Variants in IKBKE observed in about 807,000 individuals in gnomAD.
IKBKE encodes inhibitor of nuclear factor kappa B kinase subunit epsilon, also known as inhibitor of nuclear factor kappa-B kinase subunit epsilon.
In IKBKE, 45 loss-of-function variants were observed where a neutral mutation model predicts 92.1. That is an observed-to-expected ratio of 0.49 (90% CI 0.38 to 0.63). IKBKE has a LOEUF of 0.63. IKBKE is among the 20% of genes least tolerant of loss of function. IKBKE has a pLI of 0.00. For missense variants in IKBKE, 700 were observed against 932.8 expected, an observed-to-expected ratio of 0.75 and a Z score of 3.25; for synonymous variants, 374 against 380.3, an observed-to-expected ratio of 0.98 and a Z score of 0.19.
At position 206,485,169 on chromosome 1, in the gene IKBKE, G is replaced by A. The variant is rs782190823; in HGVS notation, c.1504-25G>A. On this transcript the variant is annotated intron_variant, in intron 14 of 21. Transcript: ENST00000581977. The surrounding 1 kb of genome is among the most constrained non-coding windows in gnomAD (Gnocchi z 5.0). Reference sequence around the variant, plus strand: ...CCAGTGCCCAGGCTGAAGACCCCACGGGGGTCTGCCTTTGTGCCCCACAGC... The same window carrying A: ...CCAGTGCCCAGGCTGAAGACCCCACAGGGGTCTGCCTTTGTGCCCCACAGC... 1.4e-5 allele frequency: 22 copies of A among 1,576,768 alleles called. No homozygotes were observed. The highest frequency in any genetic ancestry group is 5.2e-6 in the Non-Finnish European group (6 of 1,145,966).
Position 206,480,477 on chromosome 1 carries a change from T to C in IKBKE, c.1371T>C (p.Thr457=). The change falls in exon 13 of 22, where the codon ACT becomes ACC. Residue 457 remains threonine, a synonymous_variant. Coordinates refer to ENST00000581977, the MANE Select transcript of IKBKE (RefSeq NM_014002.4). ...MEVLQATCRR[T]LEVARTSLLY... is the part of the protein sequence containing the mutation. ...TGCTCCAGGCCACATGCAGACGGAC[T>C]CTGGAAGTGGCAAGGACATCCCTCC... 1 of 1,613,850 alleles carries C rather than the reference T, an allele frequency of 6.2e-7. No individual in the cohort carries two copies. The highest frequency in any genetic ancestry group is 1.1e-5 in the South Asian group (1 of 91,054).
intron 4 of IKBKE, 75 bp from the exon 5 acceptor site, chr1:206,474,790 G>C: frequency 6.4e-7 from 1 of 1,559,108 alleles, no homozygotes; most frequent in African/African-American, 1.3e-5. Flanking sequence ...CTGGGCTCCA[G>C]GCTGAGCCAC....
At chr1:206,484,955 C>T (rs782554415) in intron 13 of IKBKE, 42 bp from the exon 14 acceptor site, 1 of 1,551,268 alleles carries the variant, frequency 6.4e-7, no homozygotes. Context: ...CTTGGCTGCT[C>T]CTAAGCCCCC....
At position 206,478,241 on chromosome 1, in the gene IKBKE, C is replaced by T. The variant is rs903024969; in HGVS notation, c.894C>T (p.Phe298=). Reference sequence around the variant, plus strand: ...CCAAGTGCTGGGGCTTCGACCAGTTCTTTGCGGAGACCAGTGACATCCTGC... The same window carrying T: ...CCAAGTGCTGGGGCTTCGACCAGTTTTTTGCGGAGACCAGTGACATCCTGC... ...EQAKCWGFDQ[F]FAETSDILQR... Residue 298 remains phenylalanine, a synonymous_variant, in exon 9 of 22, where the codon TTC becomes TTT. Transcript: ENST00000581977. This position sits in a 1 kb window ranked among gnomAD's most constrained non-coding sequence, Gnocchi z 4.8. 6.2e-7 allele frequency: 1 copy of T among 1,614,220 alleles called. No homozygotes were observed. Among genetic ancestry groups the T allele is most frequent in the Non-Finnish European group, 8.5e-7 (1 of 1,180,040 alleles).
Position 206,474,990 on chromosome 1 carries a change from T to G in IKBKE, c.354T>G (p.Cys118Trp), listed in dbSNP as rs1233161427. The G allele has an allele frequency of 6.2e-7, 1 of 1,613,884 alleles. No individual in the cohort carries two copies. The highest frequency in any genetic ancestry group is 1.1e-5 in the South Asian group (1 of 91,062). ...ATGAGTTCCTGGTGGTGCTGCGCTGTGTGGGTGAGCCCCTCCCTGTCCCTG... is the reference window on the plus strand; with the variant it reads ...ATGAGTTCCTGGTGGTGCTGCGCTGGGTGGGTGAGCCCCTCCCTGTCCCTG... The part of the protein sequence containing the change: ...PEDEFLVVLR[C>W]VVAGMNHLRE... Residue 118 changes from cysteine to tryptophan, a missense_variant, in exon 5 of 22, where the codon TGT (cysteine) becomes TGG (tryptophan). By Grantham distance (215) the Cys-to-Trp change is radical. Coordinates refer to ENST00000581977, the MANE Select transcript of IKBKE (RefSeq NM_014002.4).
intron 15 of IKBKE, among the ~76,000 whole-genome samples, chr1:206,486,725 C>T (rs116612384): frequency 1.9e-3 from 284 of 150,522 alleles, no homozygotes; most frequent in African/African-American, 6.6e-3. Context: ...GGCTGAGGAT[C>T]GAGGTCCCAT....
chr1:206,474,670 T>TA, intron 4 of IKBKE, 195 bp from the exon 5 acceptor site: 6 of 798,656 alleles, frequency 7.5e-6, no homozygotes, highest in Non-Finnish European at 5.8e-6. Context: ...AATCAGTACC[T>TA]AAGCAGAGGG....
In IKBKE at chr1:206,476,969, C is replaced by T; in HGVS notation, c.701+131C>T. Reference sequence around the variant, plus strand: ...CCTCTGGTCCACCCCCCAACCCAGGCTCTTTGTAGATCTTTTTTTGTTAAT... The same window carrying T: ...CCTCTGGTCCACCCCCCAACCCAGGTTCTTTGTAGATCTTTTTTTGTTAAT... On this transcript the variant is annotated intron_variant, in intron 7 of 21. Transcript: ENST00000581977. The surrounding 1 kb of genome is among the most constrained non-coding windows in gnomAD (Gnocchi z 5.1). 9 of 941,622 alleles carry T rather than the reference C, an allele frequency of 9.6e-6. No individual in the cohort carries two copies. Among genetic ancestry groups the T allele is most frequent in the Non-Finnish European group, 1.4e-5 (9 of 633,334 alleles). The allele number at this position is 941,622 out of a possible 1,614,324, so 58.3% of individuals were successfully genotyped here.
chr1:206,474,650 C>T (rs532206051), intron 4 of IKBKE, among the ~76,000 whole-genome samples, 179 bp downstream of exon 4: 2 of 152,158 alleles, frequency 1.3e-5, no homozygotes, highest in South Asian at 2.1e-4. Flanking sequence ...TGGAAAGGAA[C>T]GATGGACAGA....
rs542071074 is a variant in IKBKE at position 206,482,643 on chromosome 1, C to T, written c.1427+2110C>T. Among the ~76,000 whole-genome samples the T allele has an allele frequency of 1.1e-4, 17 of 152,328 alleles. No individual in the cohort carries two copies. The South Asian group carries it at 3.5e-3, about 32-fold the overall frequency. On this transcript the variant is annotated intron_variant, in intron 13 of 21. Transcript: ENST00000581977. ...AGCAAAAACAGTTGTGAGCAGGGAG[C>T]CAGAGGGCCAGGTGCAGCCTCTTCT...
Position 206,490,837 on chromosome 1 carries a change from A to G in IKBKE, c.1712A>G (p.Glu571Gly). The G allele has an allele frequency of 6.2e-7, 1 of 1,614,150 alleles. No individual in the cohort carries two copies. The highest frequency in any genetic ancestry group is 1.1e-5 in the South Asian group (1 of 91,090). Residue 571 changes from glutamate (E) to glycine (G), a missense_variant, in exon 17 of 22, where the codon GAG becomes GGG. Coordinates refer to ENST00000581977, the MANE Select transcript of IKBKE (RefSeq NM_014002.4). This position sits in a 1 kb window ranked among gnomAD's most constrained non-coding sequence, Gnocchi z 5.2. ...CCTCCAGGGCTTGGCTACAACGAGG[A>G]GCAGATTCACAAGCTGGATAAGTGA... Reference protein sequence around the residue: ...RMRPGLGYNEEQIHKLDKVNF... With the variant: ...RMRPGLGYNEGQIHKLDKVNF...
intron 15 of IKBKE, among the ~76,000 whole-genome samples, chr1:206,486,625 A>G (rs1236875559): frequency 6.8e-6 from 1 of 146,382 alleles, no homozygotes; most frequent in African/African-American, 2.6e-5. Flanking sequence ...CTGAGGATCG[A>G]GGCCCCATCC....
chr1:206,488,126 G>T, intron 16 of IKBKE, 136 bp downstream of exon 16: 2 of 677,318 alleles, frequency 3.0e-6, no homozygotes, highest in Non-Finnish European at 5.3e-6. Flanking sequence ...GTGGTTCTTG[G>T]AGGCCCACTA....
chr1:206,490,531 C>T lies in IKBKE; in HGVS notation c.1694-288C>T, dbSNP rs1665892232. Among the ~76,000 whole-genome samples, 1 of 152,186 alleles carries T rather than the reference C, an allele frequency of 6.6e-6. No homozygotes were observed. Among genetic ancestry groups the T allele is most frequent in the Admixed American group, 6.5e-5 (1 of 15,280 alleles). On this transcript the variant is annotated intron_variant, in intron 16 of 21. Coordinates refer to ENST00000581977, the MANE Select transcript of IKBKE (RefSeq NM_014002.4). This position sits in a 1 kb window ranked among gnomAD's most constrained non-coding sequence, Gnocchi z 5.2. ...TAAGCCCACTTCATCCACCAACTCC[C>T]ACCTGAAGCATCCCCCACGTCCCCA...
Position 206,476,419 on chromosome 1 carries a change from AG to A in IKBKE, c.540+58del. ...TGCTGAGGGCTCCCCTTGCCTTGTG[AG>A]CCCCCCAGAGCCCCCATGAGGGGGT... On this transcript the variant is annotated intron_variant, in intron 6 of 21. Transcript: ENST00000581977. This position sits in a 1 kb window ranked among gnomAD's most constrained non-coding sequence, Gnocchi z 5.1. 6.6e-7 allele frequency: 1 copy of A among 1,524,242 alleles called. No homozygotes were observed. Among genetic ancestry groups the A allele is most frequent in the African/African-American group, 1.4e-5 (1 of 73,074 alleles). 94.4% of individuals were successfully genotyped at this position (1,524,242 alleles called of 1,614,324 possible). A position where few individuals can be genotyped will look rare whatever the true frequency, so the allele number is the denominator to read the frequency against.
rs782053483 is a variant in IKBKE at position 206,480,125 on chromosome 1, T to C, written c.1340+12T>C. ...CTGCACTGGGTCATGTGAGTAATCA[T>C]GAGGGCTGGGCACAGAGGGGGAGGC... is the stretch of plus-strand genomic sequence containing the variant. On this transcript the variant is annotated intron_variant, in intron 12 of 21. Coordinates refer to ENST00000581977, the MANE Select transcript of IKBKE (RefSeq NM_014002.4). 10 of 1,510,640 alleles carry C rather than the reference T, an allele frequency of 6.6e-6. No homozygotes were observed. In the South Asian group the frequency reaches 1.1e-4, roughly 16 times the overall value. 93.6% of individuals were successfully genotyped at this position (1,510,640 alleles called of 1,614,324 possible).
chr1:206,484,959 AG>A, intron 13 of IKBKE, 37 bp from the exon 14 acceptor site: 1 of 1,576,520 alleles, frequency 6.3e-7, no homozygotes, highest in Non-Finnish European at 8.7e-7. Flanking sequence ...GCTGCTCCTA[AG>A]CCCCCAAATG....
intron 18 of IKBKE, chr1:206,492,781 T>G: frequency 1.6e-6 from 1 of 631,632 alleles, no homozygotes; most frequent in Non-Finnish European, 3.0e-6. Flanking sequence ...CACATGCATG[T>G]TGTTGGTGCT....
At chr1:206,489,345 A>ATGTGTG (rs1312395366) in intron 16 of IKBKE, among the ~76,000 whole-genome samples, 28 of 119,764 alleles carry the variant, frequency 2.3e-4, no homozygotes, top group East Asian at 4.5e-4. Context: ...ATGTGTGTAT[A>ATGTGTG]TGTGTGTGTG....
Sources: gnomAD v4.1 joint callset for allele counts (sites outside exome capture counted in the v4.1 genomes callset) on GRCh38, gnomAD v4.1.1 for gene constraint, Gnocchi (gnomAD v3.1) non-coding constraint, MANE v1.5 for transcripts, NCBI Gene and HGNC (gene_info 2026-07-23, HGNC 2026-07-21) for gene names.